CNNM2: variants seen among roughly 807,000 people sequenced by gnomAD.
CNNM2 encodes the protein cyclin and CBS domain divalent metal cation transport mediator 2, also known as metal transporter CNNM2.
In CNNM2, 12 loss-of-function variants were observed where a neutral mutation model predicts 66.9. That is an observed-to-expected ratio of 0.18 (90% confidence interval 0.11 to 0.29). The LOEUF (loss-of-function observed/expected upper bound fraction) is 0.29, where lower values mean the gene tolerates loss of function less well. Ranked by LOEUF, CNNM2 falls within the 10% of genes least tolerant of loss-of-function variation. The probability of loss-of-function intolerance (pLI) is 1.00; values close to 1 mark genes in which losing one functional copy is unlikely to be tolerated. For synonymous variants in CNNM2, 557 were observed against 501.8 expected (o/e 1.11, Z -1.47); for missense variants, 705 against 1,167.7 (o/e 0.60, Z 5.77).
chr10:102,952,663 A>G (rs1846884730), intron 1 of CNNM2, among the ~76,000 whole-genome samples: 1 of 151,912 alleles, frequency 6.6e-6, no homozygotes, highest in Admixed American at 6.6e-5. Context: ...CCTTTCACAT[A>G]AGTCTGTTTA....
intron 1 of CNNM2, among the ~76,000 whole-genome samples, chr10:102,930,567 A>G (rs1408333200): frequency 1.3e-5 from 2 of 152,236 alleles, no homozygotes; most frequent in South Asian, 2.1e-4. Context: ...TAATTCACAT[A>G]TCTTAAAACT....
chr10:103,046,013 A>G (rs1240655437), intron 1 of CNNM2, among the ~76,000 whole-genome samples: 1 of 152,242 alleles, frequency 6.6e-6, no homozygotes, highest in Non-Finnish European at 1.5e-5. Flanking sequence ...TAAGTTGGTA[A>G]TAAGTTGATG....
chr10:103,002,709 C>T (rs1013069359), intron 1 of CNNM2, among the ~76,000 whole-genome samples: 5 of 152,086 alleles, frequency 3.3e-5, no homozygotes, highest in Admixed American at 6.6e-5. Flanking sequence ...GAACTCCCAG[C>T]CTCAGGTGAT....
intron 1 of CNNM2, among the ~76,000 whole-genome samples, chr10:102,972,729 G>GT (rs1191272177): frequency 2.6e-5 from 4 of 152,116 alleles, no homozygotes; most frequent in African/African-American, 9.7e-5. Context: ...GTTGAGTTGT[G>GT]TTTTTTTCTT....
chr10:102,941,258 TTTTA>T (rs562923953), intron 1 of CNNM2, among the ~76,000 whole-genome samples: 277 of 141,900 alleles, frequency 2.0e-3, no homozygotes, highest in African/African-American at 6.3e-3. Context: ...ATTGTCTTTA[TTTTA>T]TTTTTTATTT....
chr10:102,995,476 G>A (rs1019450147), intron 1 of CNNM2, among the ~76,000 whole-genome samples: 5 of 151,822 alleles, frequency 3.3e-5, no homozygotes, highest in East Asian at 2.0e-4. Flanking sequence ...GCCTCCCAAC[G>A]TGCTGGGATT....
At chr10:102,930,786 A>G (rs1393483675) in intron 1 of CNNM2, among the ~76,000 whole-genome samples, 1 of 152,216 alleles carries the variant, frequency 6.6e-6, no homozygotes, top group African/African-American at 2.4e-5. Flanking sequence ...TTCATATAAC[A>G]TGTAAATGAA....
chr10:102,992,772 T>G (rs1196586273), intron 1 of CNNM2, among the ~76,000 whole-genome samples: 1 of 152,194 alleles, frequency 6.6e-6, no homozygotes, highest in African/African-American at 2.4e-5. Context: ...GCCCTGTATT[T>G]GAACCTCAGC....
chr10:102,927,216 C>A, intron 1 of CNNM2: 1 of 1,249,894 alleles, frequency 8.0e-7, no homozygotes, highest in South Asian at 1.4e-5. Context: ...TGACAGTAAA[C>A]TTTCAATTCA....
chr10:103,068,476 C>T (rs2065517753), intron 4 of CNNM2, 153 bp from the exon 5 acceptor site: 2 of 680,588 alleles, frequency 2.9e-6, no homozygotes, highest in East Asian at 2.7e-5. Context: ...GAGCCCCCTC[C>T]TCTCAGTGGG....
rs754002718 is a variant in CNNM2 at position 102,919,137 on chromosome 10, G to A, written c.657G>A (p.Gly219=). The A allele has an allele frequency of 6.2e-7, 1 of 1,609,982 alleles. No individual in the cohort carries two copies. The highest frequency in any genetic ancestry group is 2.2e-5 in the East Asian group (1 of 44,816). Residue 219 remains glycine (G), a synonymous_variant, in exon 1 of 8, where the codon GGG becomes GGA. Transcript: ENST00000369878. ...GGAVGGKGGS[G]VAGLPPPPWA... is the part of the protein sequence containing the mutation. ...CCGTCGGGGGCAAGGGTGGCTCGGG[G>A]GTGGCCGGGCTCCCGCCGCCCCCGT... is the stretch of plus-strand genomic sequence containing the variant.
At chr10:103,060,554 A>G (rs554495674) in intron 4 of CNNM2, among the ~76,000 whole-genome samples, 1 of 152,318 alleles carries the variant, frequency 6.6e-6, no homozygotes, top group African/African-American at 2.4e-5. Context: ...TCCAAACAAA[A>G]TAAGATAAAT....
chr10:103,037,906 C>A (rs2064970678), intron 1 of CNNM2, among the ~76,000 whole-genome samples: 3 of 152,068 alleles, frequency 2.0e-5, no homozygotes, highest in Admixed American at 1.3e-4. Flanking sequence ...GTGGTGCAAT[C>A]TTGGCTCACT....
intron 1 of CNNM2, among the ~76,000 whole-genome samples, chr10:102,999,193 C>T (rs949689160): frequency 9.9e-5 from 15 of 151,752 alleles, no homozygotes; most frequent in Non-Finnish European, 1.8e-4. Context: ...GCCTCAGCCT[C>T]CCGAGTAGCT....
intron 1 of CNNM2, among the ~76,000 whole-genome samples, chr10:103,001,847 T>C (rs2064128905): frequency 7.0e-6 from 1 of 143,438 alleles, no homozygotes; most frequent in Admixed American, 6.8e-5. Context: ...ATACTAAAAA[T>C]ACAAAAATAG....
chr10:102,938,451 GGAAA>G (rs1303996527), intron 1 of CNNM2, among the ~76,000 whole-genome samples: 7 of 139,864 alleles, frequency 5.0e-5, no homozygotes, highest in African/African-American at 1.3e-4. Context: ...CTCAAAAAAT[GGAAA>G]AAAAAAAAGA....
rs1490660816 is a variant in CNNM2, at chr10:103,076,328, C to T, written c.2418+58C>T. The stretch of plus-strand genomic sequence containing the variant: ...GGCAGTTAGTTGTCAACTTCCCTGG[C>T]AAATTGTCTGTTTTGCTCCTTGCCC... On this transcript the variant is annotated intron_variant, in intron 7 of 7. Transcript: ENST00000369878. 7 of 1,516,328 alleles carry T rather than the reference C, an allele frequency of 4.6e-6. No individual in the cohort carries two copies. The Admixed American group carries it at 9.8e-5, about 21-fold the overall frequency. 93.9% of individuals were successfully genotyped at this position (1,516,328 alleles called of 1,614,324 possible).
At chr10:103,076,351 CCCT>C in intron 7 of CNNM2, 81 bp downstream of exon 7, 5 of 1,386,684 alleles carry the variant, frequency 3.6e-6, no homozygotes, top group Non-Finnish European at 5.0e-6. Flanking sequence ...TTGCTCCTTG[CCCT>C]CCTCAGAACT....
At chr10:102,986,173 G>C (rs2063794022) in intron 1 of CNNM2, among the ~76,000 whole-genome samples, 1 of 152,158 alleles carries the variant, frequency 6.6e-6, no homozygotes, top group African/African-American at 2.4e-5. Flanking sequence ...AAAAGGCTTA[G>C]GGTAGTGCTC....
Sources: allele counts gnomAD v4.1 joint callset (sites outside exome capture counted in the v4.1 genomes callset), GRCh38; gene constraint gnomAD v4.1.1; transcripts MANE v1.5; gene names NCBI Gene and HGNC (gene_info 2026-07-23, HGNC 2026-07-21).